INPP5A: variants seen among roughly 807,000 people sequenced by gnomAD.
INPP5A encodes the protein inositol polyphosphate-5-phosphatase A, also known as 43 kDa inositol polyphosphate 5-phophatase.
In INPP5A, 14 loss-of-function variants were observed where a neutral mutation model predicts 65.2. That is an observed-to-expected ratio of 0.21 (90% CI 0.14 to 0.34). The LOEUF is 0.34. Ranked by LOEUF, INPP5A falls within the 10% of genes least tolerant of loss-of-function variation. The pLI is 1.00. For synonymous variants in INPP5A, 207 were observed against 208.3 expected, an observed-to-expected ratio of 0.99 and a Z score of 0.05; for missense variants, 431 against 545.6, an observed-to-expected ratio of 0.79 and a Z score of 2.09.
rs945943 is a variant in INPP5A at position 132,726,896 on chromosome 10, C to G, written c.723C>G (p.Ser241=). 6.2e-7 allele frequency: 1 copy of G among 1,607,538 alleles called. No individual in the cohort carries two copies. Among genetic ancestry groups the G allele is most frequent in the Admixed American group, 1.7e-5 (1 of 59,686 alleles). Residue 241 remains serine (S), a synonymous_variant, in exon 9 of 16, where the codon TCC becomes TCG. Transcript: ENST00000368594. ...TCAACTTCCGGCTGGATTCCAAGTC[C>G]GTCGTGGAGGTAGGCGCTGGCTTCC... ...GDFNFRLDSK[S]VVETLCTKAT...
At chr10:132,608,952 G>A (rs2071901857) in intron 2 of INPP5A, among the ~76,000 whole-genome samples, 1 of 152,128 alleles carries the variant, frequency 6.6e-6, no homozygotes, top group African/African-American at 2.4e-5. Flanking sequence ...GGAGGGCTGG[G>A]GACCTCTGTG....
At chr10:132,631,394 C>T (rs1173771022) in intron 2 of INPP5A, among the ~76,000 whole-genome samples, 5 of 152,190 alleles carry the variant, frequency 3.3e-5, no homozygotes, top group African/African-American at 1.2e-4. Flanking sequence ...AGCCCCCACC[C>T]AGGGCAAGGG....
At chr10:132,776,526 C>T (rs1020152707) in intron 12 of INPP5A, among the ~76,000 whole-genome samples, 3 of 152,176 alleles carry the variant, frequency 2.0e-5, no homozygotes, top group East Asian at 3.9e-4. Flanking sequence ...ATCCCAGTCG[C>T]GACAGGTGCT....
At chr10:132,712,313 TGTG>T (rs772417802) in intron 8 of INPP5A, among the ~76,000 whole-genome samples, 19 of 152,008 alleles carry the variant, frequency 1.2e-4, no homozygotes, top group African/African-American at 1.7e-4. Context: ...CACAGTTGCT[TGTG>T]GGGTTTGTGT....
At chr10:132,642,012 C>T (rs559609152) in intron 2 of INPP5A, among the ~76,000 whole-genome samples, 50 of 152,364 alleles carry the variant, frequency 3.3e-4, no homozygotes, top group Admixed American at 6.5e-4. Flanking sequence ...CATCACGGTT[C>T]AGGGCTCATG....
intron 11 of INPP5A, among the ~76,000 whole-genome samples, chr10:132,750,295 C>T (rs773256860): frequency 3.9e-5 from 6 of 152,214 alleles, no homozygotes; most frequent in East Asian, 3.9e-4. Flanking sequence ...CTAGTGCATG[C>T]GTGTGCACAT....
intron 1 of INPP5A, among the ~76,000 whole-genome samples, chr10:132,559,620 G>C (rs1564915874): frequency 6.6e-6 from 1 of 152,102 alleles, no homozygotes; most frequent in East Asian, 1.9e-4. Context: ...TGCTCAGCAC[G>C]TGTGTTCCAG....
At position 132,650,890 on chromosome 10, in the gene INPP5A, C is replaced by T. The variant is rs1184341655; in HGVS notation, c.306+385C>T. On this transcript the variant is annotated intron_variant, in intron 4 of 15. Transcript: ENST00000368594. The surrounding 1 kb of genome is among the most constrained non-coding windows in gnomAD (Gnocchi z 5.5). ...TCAAGAGCCACCGTCGCCAGCCCTGCTCCCATGCTGGGTCCGTCCCTTCCT... is the reference window on the plus strand; with the variant it reads ...TCAAGAGCCACCGTCGCCAGCCCTGTTCCCATGCTGGGTCCGTCCCTTCCT... Among the ~76,000 whole-genome samples, 1 of 152,220 alleles carries T rather than the reference C, an allele frequency of 6.6e-6. No homozygotes were observed. Among genetic ancestry groups the T allele is most frequent in the Non-Finnish European group, 1.5e-5 (1 of 68,028 alleles).
At chr10:132,748,098 C>T (rs760949407) in intron 9 of INPP5A, among the ~76,000 whole-genome samples, 7 of 152,162 alleles carry the variant, frequency 4.6e-5, no homozygotes, top group Non-Finnish European at 4.4e-5. Context: ...GTATAATTTA[C>T]ACACAAGCTA....
At chr10:132,723,829 C>T (rs1845937637) in intron 8 of INPP5A, among the ~76,000 whole-genome samples, 1 of 151,842 alleles carries the variant, frequency 6.6e-6, no homozygotes, top group South Asian at 2.1e-4. Flanking sequence ...CCTGGGGTCT[C>T]GGAGCACAGG....
At chr10:132,629,603 A>T (rs1007186040) in intron 2 of INPP5A, among the ~76,000 whole-genome samples, 2 of 152,196 alleles carry the variant, frequency 1.3e-5, no homozygotes, top group Non-Finnish European at 2.9e-5. Flanking sequence ...TGGCTGTGGA[A>T]TGAGTGTTCA....
At chr10:132,646,132 G>A (rs951842992) in intron 3 of INPP5A, among the ~76,000 whole-genome samples, 164 bp downstream of exon 3, 9 of 152,196 alleles carry the variant, frequency 5.9e-5, no homozygotes, top group Non-Finnish European at 1.3e-4. Context: ...TGGCCCAGAC[G>A]TGTGGCCACG....
At chr10:132,559,048 C>G (rs560118733) in intron 1 of INPP5A, among the ~76,000 whole-genome samples, 1 of 152,340 alleles carries the variant, frequency 6.6e-6, no homozygotes, top group East Asian at 1.9e-4. Context: ...CATGCCCTCT[C>G]TGTCCCCGCC....
rs1166426955 is a variant in INPP5A at position 132,678,071 on chromosome 10, A to C, written c.307-12321A>C. 6.6e-6 allele frequency among the ~76,000 whole-genome samples: 1 copy of C among 152,212 alleles called. No homozygotes were observed. The highest frequency in any genetic ancestry group is 1.5e-5 in the Non-Finnish European group (1 of 68,048). ...TCGGCAGGAGGCCAGACAGGGGGACACCTTGGTGCCGTCATCCCGTTTGGC... is the reference window on the plus strand; with the variant it reads ...TCGGCAGGAGGCCAGACAGGGGGACCCCTTGGTGCCGTCATCCCGTTTGGC... On this transcript the variant is annotated intron_variant, in intron 4 of 15. Transcript: ENST00000368594. This position sits in a 1 kb window ranked among gnomAD's most constrained non-coding sequence, Gnocchi z 4.1.
At chr10:132,756,517 C>G (rs1294910205) in intron 11 of INPP5A, among the ~76,000 whole-genome samples, 1 of 152,212 alleles carries the variant, frequency 6.6e-6, no homozygotes, top group African/African-American at 2.4e-5. Flanking sequence ...TGAAAGCTTC[C>G]TCTCGCTGTG....
At chr10:132,553,650 G>A (rs189295084) in intron 1 of INPP5A, among the ~76,000 whole-genome samples, 1 of 139,596 alleles carries the variant, frequency 7.2e-6, no homozygotes, top group Admixed American at 7.1e-5. Context: ...ATATTGAGTA[G>A]GATAGGGAGG....
chr10:132,581,253 A>G (rs1038660967), intron 1 of INPP5A, among the ~76,000 whole-genome samples: 1 of 152,156 alleles, frequency 6.6e-6, no homozygotes, highest in African/African-American at 2.4e-5. Flanking sequence ...ATGCCATAGC[A>G]CATTTAGCTG....
At chr10:132,554,104 T>C (rs2071092469) in intron 1 of INPP5A, among the ~76,000 whole-genome samples, 1 of 152,102 alleles carries the variant, frequency 6.6e-6, no homozygotes, top group Non-Finnish European at 1.5e-5. Flanking sequence ...GGTGGAATAT[T>C]GAGTGGGATA....
intron 14 of INPP5A, among the ~76,000 whole-genome samples, 197 bp downstream of exon 14, chr10:132,781,114 T>G (rs1399966312): frequency 6.6e-6 from 1 of 152,226 alleles, no homozygotes; most frequent in Non-Finnish European, 1.5e-5. Context: ...TTTTATTTAA[T>G]TTTAATAAAA....
Sources: gnomAD v4.1 joint callset for allele counts (sites outside exome capture counted in the v4.1 genomes callset) on GRCh38, gnomAD v4.1.1 for gene constraint, Gnocchi (gnomAD v3.1) non-coding constraint, MANE v1.5 for transcripts, NCBI Gene and HGNC (gene_info 2026-07-23, HGNC 2026-07-21) for gene names.